Variants in PTPN4 observed in about 807,000 individuals in gnomAD.
PTPN4 encodes tyrosine-protein phosphatase non-receptor type 4.
In PTPN4, 49 loss-of-function variants were observed where a neutral mutation model predicts 135.5. The ratio of observed to expected loss-of-function variants is 0.36; its 90% CI spans 0.29 to 0.46. The LOEUF (loss-of-function observed/expected upper bound fraction) is 0.46. Among genes scored for constraint, PTPN4 ranks in the 20% least tolerant of loss-of-function variants. The pLI is 1.00. For missense variants in PTPN4, 860 were observed against 1,101.0 expected, an observed-to-expected ratio of 0.78 and a Z score of 3.10; for synonymous variants, 333 against 369.9, an observed-to-expected ratio of 0.90 and a Z score of 1.14.
intron 1 of PTPN4, among the ~76,000 whole-genome samples, chr2:119,768,928 A>T (rs186871201): frequency 6.6e-6 from 1 of 152,328 alleles, no homozygotes; most frequent in African/African-American, 2.4e-5. Context: ...AGCTGAGTAA[A>T]TATTTTGCAT....
At chr2:119,805,193 G>A (rs550249733) in intron 1 of PTPN4, among the ~76,000 whole-genome samples, 33 of 152,184 alleles carry the variant, frequency 2.2e-4, no homozygotes, top group Middle Eastern at 3.4e-3. Flanking sequence ...TTAGCCCTTC[G>A]TAGATGGATA....
intron 9 of PTPN4, among the ~76,000 whole-genome samples, chr2:119,889,281 G>A (rs1051654028): frequency 2.0e-5 from 3 of 152,112 alleles, no homozygotes; most frequent in Non-Finnish European, 2.9e-5. Flanking sequence ...TTAGCCGGTC[G>A]TGGTGGTGGG....
chr2:119,814,019 T>C (rs1205448353), intron 2 of PTPN4, among the ~76,000 whole-genome samples: 1 of 152,152 alleles, frequency 6.6e-6, no homozygotes, highest in Non-Finnish European at 1.5e-5. Flanking sequence ...TAAAAAAAAA[T>C]GTATATGTGT....
rs1237416718 is a variant in PTPN4, at chr2:119,980,377, A to C, written c.*3307A>C. The C allele has an allele frequency of 3.9e-5, 6 of 152,052 alleles. No homozygotes were observed. Among genetic ancestry groups the C allele is most frequent in the Non-Finnish European group, 5.9e-5 (4 of 67,946 alleles). The allele number at this position is 152,052 out of a possible 1,614,324, so 9.4% of individuals were successfully genotyped here. On this transcript the variant is annotated 3_prime_UTR_variant, in exon 27 of 27. Coordinates refer to ENST00000263708, the MANE Select transcript of PTPN4 (RefSeq NM_002830.4). Reference sequence around the variant, plus strand: ...ATCAGGTCTAGAGTATTTAAGGAAAAGTCTCCTGTCTTCTATCTCCACTAG... The same window carrying C: ...ATCAGGTCTAGAGTATTTAAGGAAACGTCTCCTGTCTTCTATCTCCACTAG...
chr2:119,838,377 C>T (rs1226672528), intron 2 of PTPN4, among the ~76,000 whole-genome samples: 3 of 152,178 alleles, frequency 2.0e-5, no homozygotes, highest in Admixed American at 6.5e-5. Context: ...TTCTGGCTGC[C>T]GAAGTGACAC....
chr2:119,787,798 A>G (rs1401391163), intron 1 of PTPN4, among the ~76,000 whole-genome samples: 1 of 152,194 alleles, frequency 6.6e-6, no homozygotes, highest in African/African-American at 2.4e-5. Context: ...CACACTATAT[A>G]TAAAAATTGG....
intron 20 of PTPN4, 145 bp from the exon 21 acceptor site, chr2:119,956,699 A>T: frequency 7.4e-7 from 1 of 1,356,952 alleles, no homozygotes; most frequent in Non-Finnish European, 9.9e-7. Context: ...TCAGTACTCT[A>T]CTAGACTATG....
intron 2 of PTPN4, among the ~76,000 whole-genome samples, chr2:119,844,288 C>T (rs1210855104): frequency 2.2e-5 from 3 of 138,572 alleles, no homozygotes; most frequent in Non-Finnish European, 4.8e-5. Flanking sequence ...GGCTCACCCC[C>T]CCACCTCCCT....
chr2:119,891,256 A>G (rs1419345329), intron 9 of PTPN4, among the ~76,000 whole-genome samples: 1 of 152,098 alleles, frequency 6.6e-6, no homozygotes, highest in Non-Finnish European at 1.5e-5. Context: ...GATGTAGGCT[A>G]TTGTTGAAGT....
intron 2 of PTPN4, among the ~76,000 whole-genome samples, chr2:119,855,523 C>T (rs963522695): frequency 6.6e-6 from 1 of 152,152 alleles, no homozygotes; most frequent in East Asian, 1.9e-4. Context: ...ATAATAGGGG[C>T]ATCCTTGGGA....
Position 119,882,130 on chromosome 2 carries a change from A to G in PTPN4, c.447A>G (p.Leu149=). 6.2e-7 allele frequency: 1 copy of G among 1,610,160 alleles called. No individual in the cohort carries two copies. The highest frequency in any genetic ancestry group is 8.5e-7 in the Non-Finnish European group (1 of 1,176,626). Residue 149 remains leucine, a synonymous_variant, in exon 7 of 27, where the codon TTA becomes TTG. Coordinates refer to ENST00000263708, the MANE Select transcript of PTPN4 (RefSeq NM_002830.4). ...GTCCTTCTAATACTGCTGCCCTTTT[A>G]GCTTCATTTGCTGTTCAGTGTAAGT... ...LPCPSNTAAL[L]ASFAVQSELG...
chr2:119,844,938 G>A (rs1379355183), intron 2 of PTPN4, among the ~76,000 whole-genome samples: 3 of 151,184 alleles, frequency 2.0e-5, no homozygotes, highest in South Asian at 2.1e-4. Context: ...CCGAGATCAC[G>A]CCACTGCACT....
chr2:119,899,575 A>G (rs1003599660), intron 9 of PTPN4, among the ~76,000 whole-genome samples: 4 of 152,082 alleles, frequency 2.6e-5, no homozygotes, highest in African/African-American at 9.7e-5. Context: ...CTTTTGCTTT[A>G]TGTATATCTT....
intron 1 of PTPN4, among the ~76,000 whole-genome samples, chr2:119,775,279 G>T (rs1186442564): frequency 1.3e-5 from 2 of 151,986 alleles, no homozygotes; most frequent in Admixed American, 6.6e-5. Flanking sequence ...GCCTTGATGG[G>T]ATAAGGTAAA....
At chr2:119,878,689 C>CTTTTT (rs74600465) in intron 5 of PTPN4, among the ~76,000 whole-genome samples, 2 of 129,822 alleles carry the variant, frequency 1.5e-5, no homozygotes, top group South Asian at 2.4e-4. Flanking sequence ...GCAGGTGTTC[C>CTTTTT]TTTTTTTTTT....
At chr2:119,800,892 T>G (rs2104942168) in intron 1 of PTPN4, among the ~76,000 whole-genome samples, 1 of 152,288 alleles carries the variant, frequency 6.6e-6, no homozygotes, top group East Asian at 1.9e-4. Context: ...GGTAATTCTA[T>G]TTTGTTCCAG....
At chr2:119,953,268 C>A (rs1358259505) in intron 19 of PTPN4, among the ~76,000 whole-genome samples, 3 of 152,100 alleles carry the variant, frequency 2.0e-5, no homozygotes, top group Non-Finnish European at 4.4e-5. Context: ...TGAATATGTA[C>A]CATAGGAAAG....
chr2:119,969,380 C>T (rs1275130984), intron 26 of PTPN4, among the ~76,000 whole-genome samples: 1 of 151,978 alleles, frequency 6.6e-6, no homozygotes, highest in Non-Finnish European at 1.5e-5. Flanking sequence ...ACTCAGATCC[C>T]ACATTTGCCA....
intron 1 of PTPN4, among the ~76,000 whole-genome samples, chr2:119,766,076 G>C (rs1469933820): frequency 6.6e-6 from 1 of 152,264 alleles, no homozygotes; most frequent in African/African-American, 2.4e-5. Flanking sequence ...CAGTGTTTCG[G>C]AGAGCAAGAT....
Sources: gnomAD v4.1 joint callset for allele counts (sites outside exome capture counted in the v4.1 genomes callset) on GRCh38, gnomAD v4.1.1 for gene constraint, MANE v1.5 for transcripts, NCBI Gene and HGNC (gene_info 2026-07-23, HGNC 2026-07-21) for gene names.